The following PHACTR1 variants were observed in gnomAD, a reference collection of about 807,000 sequenced individuals.
PHACTR1 encodes the protein RPEL repeat containing 1.
A neutral mutation model predicts 69.2 loss-of-function variants in PHACTR1; 16 were observed. The ratio of observed to expected loss-of-function variants is 0.23; its 90% CI spans 0.16 to 0.35. The LOEUF (loss-of-function observed/expected upper bound fraction) is 0.35. PHACTR1 is among the 10% of genes least tolerant of loss of function. The pLI, the probability that PHACTR1 is intolerant of heterozygous loss-of-function variation, is 1.00. For synonymous variants in PHACTR1, 312 were observed against 284.5 expected, an observed-to-expected ratio of 1.10 and a Z score of -0.97; for missense variants, 510 against 734.7, an observed-to-expected ratio of 0.69 and a Z score of 3.54.
chr6:12,731,895 A>T (rs1373026637), intron 3 of PHACTR1, among the ~76,000 whole-genome samples: 2 of 152,054 alleles, frequency 1.3e-5, no homozygotes, highest in African/African-American at 4.8e-5. Flanking sequence ...AGAATGTCTC[A>T]ATGTTGTGCG....
chr6:13,196,023 G>A (rs965317208), intron 7 of PHACTR1, among the ~76,000 whole-genome samples: 9 of 152,056 alleles, frequency 5.9e-5, no homozygotes, highest in Non-Finnish European at 7.4e-5. Context: ...GGAACTGGTC[G>A]TTTTTGCTTC....
At chr6:13,056,637 CT>C (rs2127742376) in intron 5 of PHACTR1, among the ~76,000 whole-genome samples, 1 of 152,256 alleles carries the variant, frequency 6.6e-6, no homozygotes, top group Non-Finnish European at 1.5e-5. Context: ...GCAATAGGGT[CT>C]TGCAGTGGGA....
At chr6:13,199,366 A>C (rs1269061561) in intron 7 of PHACTR1, among the ~76,000 whole-genome samples, 1 of 138,406 alleles carries the variant, frequency 7.2e-6, no homozygotes, top group Non-Finnish European at 1.5e-5. Flanking sequence ...CCTGGGCGAC[A>C]AAGTGAGAGT....
chr6:13,050,235 T>G (rs1805718825), intron 4 of PHACTR1, among the ~76,000 whole-genome samples: 1 of 152,254 alleles, frequency 6.6e-6, no homozygotes, highest in African/African-American at 2.4e-5. Context: ...CCTGATTTGA[T>G]TTCTTTTTTT....
At chr6:12,980,322 A>G (rs749179129) in intron 4 of PHACTR1, among the ~76,000 whole-genome samples, 7 of 152,078 alleles carry the variant, frequency 4.6e-5, no homozygotes, top group Non-Finnish European at 1.0e-4. Flanking sequence ...GCTCTTGCCA[A>G]TCCATCTGCC....
chr6:13,218,853 A>AG (rs1554163861), intron 8 of PHACTR1, among the ~76,000 whole-genome samples: 2 of 142,424 alleles, frequency 1.4e-5, no homozygotes, highest in Non-Finnish European at 3.0e-5. Flanking sequence ...GAGGAGGAGG[A>AG]AAGAGAAGAG....
At chr6:12,834,189 C>T (rs765404056) in intron 4 of PHACTR1, among the ~76,000 whole-genome samples, 1 of 152,104 alleles carries the variant, frequency 6.6e-6, no homozygotes, top group Non-Finnish European at 1.5e-5. Flanking sequence ...TCCATTGATG[C>T]GTATCACTAG....
chr6:12,990,373 G>C (rs954613303), intron 4 of PHACTR1, among the ~76,000 whole-genome samples: 4 of 152,120 alleles, frequency 2.6e-5, no homozygotes, highest in Non-Finnish European at 5.9e-5. Context: ...GAGTACCCTT[G>C]ACCTTTTCAT....
chr6:12,884,343 A>G (rs1260530352), intron 4 of PHACTR1, among the ~76,000 whole-genome samples: 1 of 151,986 alleles, frequency 6.6e-6, no homozygotes, highest in Non-Finnish European at 1.5e-5. Flanking sequence ...AAGGGATCAT[A>G]TACACACAGA....
intron 4 of PHACTR1, among the ~76,000 whole-genome samples, chr6:13,042,247 C>G (rs1184130401): frequency 6.6e-6 from 1 of 152,144 alleles, no homozygotes; most frequent in Non-Finnish European, 1.5e-5. Context: ...GATCTAAAAG[C>G]ACTTAGAATA....
At position 12,871,952 on chromosome 6, in the gene PHACTR1, A is replaced by AT. The variant is rs5874391; in HGVS notation, c.250+122172dup. On this transcript the variant is annotated intron_variant, in intron 4 of 14. Transcript: ENST00000332995. ...ATGTGAAAGAGAGGACATGTGATGG[A>AT]TTTTTTTTTTCCTTTTATCTACCAA... Among the ~76,000 whole-genome samples, 630 of 151,106 alleles carry AT rather than the reference A, an allele frequency of 4.2e-3. 4 individuals carry two copies. Among genetic ancestry groups the AT allele is most frequent in the East Asian group, 0.021 (109 of 5,168 alleles).
rs372190049 is a variant in PHACTR1, at chr6:12,961,972, G to A, written c.251-91393G>A. Among the ~76,000 whole-genome samples the A allele has an allele frequency of 2.8e-4, 43 of 152,166 alleles. 1 individual carries two copies. In the East Asian group the frequency reaches 6.6e-3, roughly 23 times the overall value. On this transcript the variant is annotated intron_variant, in intron 4 of 14. Coordinates refer to ENST00000332995, the MANE Select transcript of PHACTR1 (RefSeq NM_030948.6). Reference sequence around the variant, plus strand: ...GAGTCAGGATCTGTCTCTGTCACCCGGGTTTGGGTGCAGTGGTGTGATCTC... The same window carrying A: ...GAGTCAGGATCTGTCTCTGTCACCCAGGTTTGGGTGCAGTGGTGTGATCTC...
chr6:12,798,344 T>C (rs936388854), intron 4 of PHACTR1, among the ~76,000 whole-genome samples: 2 of 152,028 alleles, frequency 1.3e-5, no homozygotes, highest in Non-Finnish European at 2.9e-5. Context: ...ATAGTGTAGA[T>C]GAAATTGAAC....
At chr6:13,215,566 G>A (rs575569872) in intron 8 of PHACTR1, among the ~76,000 whole-genome samples, 1 of 152,294 alleles carries the variant, frequency 6.6e-6, no homozygotes, top group Admixed American at 6.5e-5. Context: ...GAATGAGATT[G>A]ATGACGTAAC....
intron 4 of PHACTR1, among the ~76,000 whole-genome samples, chr6:12,968,533 C>G (rs187962422): frequency 6.6e-6 from 1 of 152,276 alleles, no homozygotes; most frequent in African/African-American, 2.4e-5. Context: ...AACATTTGCC[C>G]GTTAAACAAT....
At chr6:12,984,517 G>A (rs183762180) in intron 4 of PHACTR1, among the ~76,000 whole-genome samples, 3 of 152,272 alleles carry the variant, frequency 2.0e-5, no homozygotes, top group Admixed American at 2.0e-4. Flanking sequence ...GCCACGTCAG[G>A]GCTGGATTTA....
At chr6:13,235,196 C>T (rs1771806279) in intron 10 of PHACTR1, among the ~76,000 whole-genome samples, 1 of 152,108 alleles carries the variant, frequency 6.6e-6, no homozygotes, top group Non-Finnish European at 1.5e-5. Flanking sequence ...AGGGCAATCC[C>T]TCACCCCACC....
At chr6:13,018,514 C>T (rs1800498127) in intron 4 of PHACTR1, among the ~76,000 whole-genome samples, 1 of 152,092 alleles carries the variant, frequency 6.6e-6, no homozygotes, top group South Asian at 2.1e-4. Context: ...CGATTGCTAG[C>T]GTTTGTATTG....
At chr6:13,131,221 AC>A (rs1461036316) in intron 5 of PHACTR1, among the ~76,000 whole-genome samples, 1 of 31,804 alleles carries the variant, frequency 3.1e-5, no homozygotes, top group Non-Finnish European at 1.0e-4. Flanking sequence ...ACACACACAC[AC>A]ACACACACAC....
Sources: gnomAD v4.1 joint callset for allele counts (sites outside exome capture counted in the v4.1 genomes callset) on GRCh38, gnomAD v4.1.1 for gene constraint, MANE v1.5 for transcripts, NCBI Gene and HGNC (gene_info 2026-07-23, HGNC 2026-07-21) for gene names.